RFC1: variants seen among roughly 807,000 people sequenced by gnomAD.
RFC1 encodes the protein A1 140 kDa subunit.
Under a neutral mutation model 137.4 loss-of-function variants are expected in RFC1, and 37 were observed. The ratio of observed to expected loss-of-function variants is 0.27; its 90% CI spans 0.21 to 0.35. The LOEUF is 0.35. RFC1 is among the 10% of genes least tolerant of loss of function. The pLI is 1.00. For missense variants in RFC1, 1,205 were observed against 1,358.5 expected, an observed-to-expected ratio of 0.89 and a Z score of 1.78; for synonymous variants, 429 against 455.7, an observed-to-expected ratio of 0.94 and a Z score of 0.75.
intron 21 of RFC1, among the ~76,000 whole-genome samples, chr4:39,296,822 C>G (rs1274191787): frequency 0.023 from 3,395 of 149,118 alleles, 123 homozygotes; most frequent in African/African-American, 0.078. Context: ...CCTGAGGAAT[C>G]GCCACACTGA....
intron 4 of RFC1, among the ~76,000 whole-genome samples, chr4:39,331,963 G>C (rs1470208990): frequency 1.3e-5 from 2 of 152,138 alleles, no homozygotes; most frequent in Non-Finnish European, 2.9e-5. Flanking sequence ...CATGGGGACA[G>C]GTCTTTCCTG....
At chr4:39,320,131 C>T (rs920378319) in intron 9 of RFC1, among the ~76,000 whole-genome samples, 7 of 152,082 alleles carry the variant, frequency 4.6e-5, no homozygotes, top group Non-Finnish European at 1.0e-4. Flanking sequence ...GGGCAGATCA[C>T]CTGAGGTCGG....
intron 4 of RFC1, among the ~76,000 whole-genome samples, chr4:39,334,098 T>C (rs1263011668): frequency 6.6e-6 from 1 of 152,042 alleles, no homozygotes; most frequent in Non-Finnish European, 1.5e-5. Flanking sequence ...TTAATACCTA[T>C]TTAGTGCCCC....
Position 39,343,154 on chromosome 4 carries a change from C to G in RFC1, c.209-687G>C, listed in dbSNP as rs968345704. Among the ~76,000 whole-genome samples, 3 of 152,164 alleles carry G rather than the reference C, an allele frequency of 2.0e-5. No individual in the cohort carries two copies. In the South Asian group the frequency reaches 6.2e-4, roughly 32 times the overall value. On this transcript the variant is annotated intron_variant, in intron 3 of 24. Coordinates refer to ENST00000349703, the MANE Select transcript of RFC1 (RefSeq NM_002913.5). ...TCTCCTGCCTCAGACTCCTGAGTAG[C>G]TGGGACTACAGGCGCGTGCCACCAC...
chr4:39,365,488 G>A (rs1471380505), intron 1 of RFC1: 14 of 985,172 alleles, frequency 1.4e-5, no homozygotes, highest in Admixed American at 6.2e-5. Context: ...TTTGCTGGCT[G>A]CATAATCATT....
chr4:39,325,156 A>G (rs964056814), intron 6 of RFC1, among the ~76,000 whole-genome samples: 1 of 152,098 alleles, frequency 6.6e-6, no homozygotes, highest in African/African-American at 2.4e-5. Flanking sequence ...AGGTTTAAAT[A>G]TTACTCAACT....
chr4:39,330,579 G>A (rs1006283410), intron 4 of RFC1, among the ~76,000 whole-genome samples: 6 of 151,960 alleles, frequency 3.9e-5, no homozygotes, highest in African/African-American at 1.5e-4. Flanking sequence ...AGCAAGGTGG[G>A]GCCAACTTTA....
At chr4:39,311,319 G>A in intron 12 of RFC1, 126 bp downstream of exon 12, 1 of 684,002 alleles carries the variant, frequency 1.5e-6, no homozygotes, top group Non-Finnish European at 2.5e-6. Context: ...GAACTAAGGT[G>A]GTCCATTTGT....
intron 4 of RFC1, among the ~76,000 whole-genome samples, chr4:39,336,856 T>C (rs1740378318): frequency 6.6e-6 from 1 of 152,266 alleles, no homozygotes; most frequent in Admixed American, 6.5e-5. Flanking sequence ...TCCAGGGTGC[T>C]GATGATGATT....
At position 39,295,777 on chromosome 4, in the gene RFC1, G is replaced by A. The variant is rs778417711; in HGVS notation, c.2809-18C>T. ...TAAATGGCCTGAAAAAAAATCAATT[G>A]CAGTCCAGAATTTATGTTCCGTACA... On this transcript the variant is annotated intron_variant, in intron 21 of 24. Transcript: ENST00000349703. 2.5e-6 allele frequency: 4 copies of A among 1,605,094 alleles called. No homozygotes were observed. The highest frequency in any genetic ancestry group is 2.7e-5 in the African/African-American group (2 of 74,616).
intron 21 of RFC1, 38 bp from the exon 22 acceptor site, chr4:39,295,797 CG>C: frequency 6.3e-7 from 1 of 1,585,634 alleles, no homozygotes. Flanking sequence ...ATTTATGTTC[CG>C]TACAAAGTTA....
At position 39,300,006 on chromosome 4, in the gene RFC1, G is replaced by A; in HGVS notation, c.2808+15C>T. 6.8e-7 allele frequency: 1 copy of A among 1,480,852 alleles called. No individual in the cohort carries two copies. The highest frequency in any genetic ancestry group is 9.4e-7 in the Non-Finnish European group (1 of 1,058,330). The allele number at this position is 1,480,852 out of a possible 1,614,324, so 91.7% of individuals were successfully genotyped here. ...AAAAGCAGAGCCTGCATGTTAGGGA[G>A]AGCCCTCTGCTCACCTGCGCAGGCA... On this transcript the variant is annotated intron_variant, in intron 21 of 24. Transcript: ENST00000349703.
chr4:39,291,885 G>T, intron 22 of RFC1, 33 bp from the exon 23 acceptor site: 1 of 1,504,876 alleles, frequency 6.6e-7, no homozygotes, highest in Non-Finnish European at 9.3e-7. Flanking sequence ...ATAGTCAACA[G>T]CAAAGTATCA....
intron 10 of RFC1, among the ~76,000 whole-genome samples, chr4:39,313,300 T>C (rs1181269854): frequency 6.6e-6 from 1 of 152,232 alleles, no homozygotes; most frequent in Non-Finnish European, 1.5e-5. Flanking sequence ...GTAGAAACTC[T>C]TGCTATTCAG....
At chr4:39,327,345 T>C (rs1259246954) in intron 5 of RFC1, among the ~76,000 whole-genome samples, 179 bp downstream of exon 5, 3 of 152,194 alleles carry the variant, frequency 2.0e-5, no homozygotes, top group African/African-American at 7.2e-5. Context: ...AAATTAAATA[T>C]GTAACATTCC....
At chr4:39,325,289 G>A (rs1201763161) in intron 6 of RFC1, among the ~76,000 whole-genome samples, 1 of 152,062 alleles carries the variant, frequency 6.6e-6, no homozygotes, top group Non-Finnish European at 1.5e-5. Context: ...AACTTAACTT[G>A]TCCAAAAGAT....
chr4:39,317,968 AAC>A (rs1318391595), intron 9 of RFC1: 1 of 152,224 alleles, frequency 6.6e-6, no homozygotes, highest in East Asian at 1.9e-4. Flanking sequence ...CATCCTGGCT[AAC>A]ACAGTGAAAC....
At chr4:39,326,729 C>G in intron 5 of RFC1, 89 bp from the exon 6 acceptor site, 1 of 940,376 alleles carries the variant, frequency 1.1e-6, no homozygotes, top group South Asian at 1.4e-5. Context: ...ATTAAATACA[C>G]CAGTGAGAGA....
chr4:39,358,356 C>T (rs1578175963), intron 1 of RFC1, among the ~76,000 whole-genome samples: 1 of 152,240 alleles, frequency 6.6e-6, no homozygotes, highest in African/African-American at 2.4e-5. Context: ...TATTATTTGT[C>T]GCTAAGTGTT....
Sources: allele counts gnomAD v4.1 joint callset (sites outside exome capture counted in the v4.1 genomes callset), GRCh38; gene constraint gnomAD v4.1.1; transcripts MANE v1.5; gene names NCBI Gene and HGNC (gene_info 2026-07-23, HGNC 2026-07-21).